The following HDAC4 variants were observed in gnomAD, a reference collection of about 807,000 sequenced individuals.
HDAC4 encodes histone deacetylase A.
In HDAC4, 16 loss-of-function variants were observed where a neutral mutation model predicts 135.1. The observed-to-expected ratio is 0.12, with a 90% CI of 0.08 to 0.18. The LOEUF (loss-of-function observed/expected upper bound fraction) is 0.18. Ranked by LOEUF, HDAC4 falls within the 10% of genes least tolerant of loss-of-function variation. The pLI is 1.00. For synonymous variants in HDAC4, 685 were observed against 653.4 expected, an observed-to-expected ratio of 1.05 and a Z score of -0.74; for missense variants, 1,143 against 1,511.8, an observed-to-expected ratio of 0.76 and a Z score of 4.05.
intron 2 of HDAC4, among the ~76,000 whole-genome samples, chr2:239,328,554 T>C (rs2053534320): frequency 6.6e-6 from 1 of 152,088 alleles, no homozygotes; most frequent in African/African-American, 2.4e-5. Flanking sequence ...AGGAGGCAAA[T>C]ACTCCCAACG....
chr2:239,210,950 C>A (rs1451670599), intron 3 of HDAC4, among the ~76,000 whole-genome samples: 1 of 152,180 alleles, frequency 6.6e-6, no homozygotes, highest in African/African-American at 2.4e-5. Context: ...TGAACCTGAT[C>A]ACAGAAAACA....
chr2:239,270,360 T>C (rs1003397731), intron 2 of HDAC4, among the ~76,000 whole-genome samples: 18 of 152,230 alleles, frequency 1.2e-4, no homozygotes, highest in African/African-American at 3.9e-4. Context: ...TGCCCCCCGA[T>C]GTATTCAACT....
chr2:239,309,741 A>C lies in HDAC4; in HGVS notation c.22+42937T>G, dbSNP rs2052781249. 1.3e-5 allele frequency among the ~76,000 whole-genome samples: 2 copies of C among 152,312 alleles called. No individual in the cohort carries two copies. The highest frequency in any genetic ancestry group is 1.9e-4 in the East Asian group (1 of 5,168). Reference sequence around the variant, plus strand: ...GGGCCTCAAGGGAGGCAATCCCCCCACACACCATCCCCTTCCCCTTCGCTC... The same window carrying C: ...GGGCCTCAAGGGAGGCAATCCCCCCCCACACCATCCCCTTCCCCTTCGCTC... On this transcript the variant is annotated intron_variant, in intron 2 of 26. Transcript: ENST00000543185. The surrounding 1 kb of genome is among the most constrained non-coding windows in gnomAD (Gnocchi z 4.2).
intron 12 of HDAC4, among the ~76,000 whole-genome samples, chr2:239,117,897 G>A (rs572598282): frequency 1.3e-5 from 2 of 152,314 alleles, no homozygotes; most frequent in African/African-American, 2.4e-5. Context: ...AGGTGTGCAA[G>A]GAAGACTGAC....
intron 7 of HDAC4, among the ~76,000 whole-genome samples, chr2:239,153,213 A>C (rs1194630473): frequency 6.6e-6 from 1 of 152,232 alleles, no homozygotes; most frequent in East Asian, 1.9e-4. Context: ...CAAAAAATGC[A>C]TGGGGTGACG....
intron 2 of HDAC4, among the ~76,000 whole-genome samples, chr2:239,295,937 C>G (rs1484206368): frequency 6.6e-6 from 1 of 152,204 alleles, no homozygotes; most frequent in Admixed American, 6.5e-5. Context: ...CAGCTTCTTA[C>G]AGGGTGCTGA....
At chr2:239,267,782 T>G (rs1218507772) in intron 2 of HDAC4, among the ~76,000 whole-genome samples, 1 of 152,200 alleles carries the variant, frequency 6.6e-6, no homozygotes, top group Non-Finnish European at 1.5e-5. Context: ...CTCGCAGGCT[T>G]CTCCCTCCGT....
intron 1 of HDAC4, among the ~76,000 whole-genome samples, chr2:239,361,757 G>T (rs925617038): frequency 2.6e-5 from 4 of 152,174 alleles, no homozygotes; most frequent in Non-Finnish European, 5.9e-5. Context: ...CTTAGGTGGT[G>T]TGTCTTTGAA....
chr2:239,315,595 A>G (rs150834561), intron 2 of HDAC4, among the ~76,000 whole-genome samples: 107 of 152,298 alleles, frequency 7.0e-4, no homozygotes, highest in African/African-American at 2.5e-3. Context: ...AAAGTCCAGA[A>G]ACAGAAGTAC....
At chr2:239,102,946 T>C (rs1420562607) in intron 15 of HDAC4, 50 bp from the exon 16 acceptor site, 1 of 1,612,310 alleles carries the variant, frequency 6.2e-7, no homozygotes, top group Non-Finnish European at 8.5e-7. Flanking sequence ...AAGCTGCTGC[T>C]TCAGCTCCAC....
In HDAC4 at chr2:239,111,572, G is replaced by C; in HGVS notation, c.1932C>G (p.Phe644Leu). 1 of 1,612,442 alleles carries C rather than the reference G, an allele frequency of 6.2e-7. No individual in the cohort carries two copies. Residue 644 changes from phenylalanine (F) to leucine (L), a missense_variant, in exon 14 of 27, where the codon TTC becomes TTG. Phe to Leu is a conservative substitution (Grantham distance 22). Transcript: ENST00000543185. ...TGGGGGGCTCCTGCACAGACACGGG[G>C]AAGGTGGCAGACGCGGGTGAGGACT... Reference protein sequence around the residue: ...RAQSSPASATFPVSVQEPPTK... With the variant: ...RAQSSPASATLPVSVQEPPTK...
chr2:239,186,683 G>A (rs533202603), intron 4 of HDAC4: 2 of 152,416 alleles, frequency 1.3e-5, no homozygotes, highest in South Asian at 2.1e-4. Flanking sequence ...CTGTAGGAGC[G>A]ACGTGAGGAC....
intron 2 of HDAC4, among the ~76,000 whole-genome samples, chr2:239,248,890 A>T (rs1230866424): frequency 6.6e-6 from 1 of 152,206 alleles, no homozygotes; most frequent in African/African-American, 2.4e-5. Context: ...CATTCATTCA[A>T]GTTTTCCTGA....
At chr2:239,184,813 T>C in intron 4 of HDAC4, among the ~76,000 whole-genome samples, 1 of 46,154 alleles carries the variant, frequency 2.2e-5, no homozygotes. Flanking sequence ...TCCCTCAGTG[T>C]CTGTCCTGGA....
upstream of HDAC4, chr2:239,401,252 G>C (rs1696976774): frequency 6.9e-6 from 1 of 145,346 alleles, no homozygotes; most frequent in Non-Finnish European, 1.5e-5. Flanking sequence ...CGCACAGCCC[G>C]TCTGCTCCCA....
At position 239,349,234 on chromosome 2, in the gene HDAC4, A is replaced by C. The variant is rs1692945037; in HGVS notation, c.22+3444T>G. On this transcript the variant is annotated intron_variant, in intron 2 of 26. Coordinates refer to ENST00000543185, the MANE Select transcript of HDAC4 (RefSeq NM_001378414.1). The surrounding 1 kb of genome is among the most constrained non-coding windows in gnomAD (Gnocchi z 5.7). ...GGGCCAGCTAGCAGAGGACGGCACGAGAGACACACGGAGGGAGGGGAGGTG... is the reference window on the plus strand; with the variant it reads ...GGGCCAGCTAGCAGAGGACGGCACGCGAGACACACGGAGGGAGGGGAGGTG... 1.3e-5 allele frequency among the ~76,000 whole-genome samples: 2 copies of C among 152,132 alleles called. No individual in the cohort carries two copies. The highest frequency in any genetic ancestry group is 4.8e-5 in the African/African-American group (2 of 41,446).
At chr2:239,368,560 G>A (rs2125995289) in intron 1 of HDAC4, among the ~76,000 whole-genome samples, 1 of 152,222 alleles carries the variant, frequency 6.6e-6, no homozygotes, top group African/African-American at 2.4e-5. Context: ...CTCCATTGGG[G>A]GATAACAGGG....
intron 24 of HDAC4, among the ~76,000 whole-genome samples, chr2:239,059,419 G>C (rs143282986): frequency 9.6e-4 from 146 of 152,296 alleles, no homozygotes; most frequent in African/African-American, 3.3e-3. Flanking sequence ...GACTGACGGA[G>C]GAAACCCAAG....
chr2:239,303,584 TTTTC>T lies in HDAC4; in HGVS notation c.22+49090_22+49093del, dbSNP rs925545816. The stretch of plus-strand genomic sequence containing the variant: ...AATGTTACGTTGTCAGCTTTCTCTG[TTTTC>T]TTTCTTTCTTTTTTTTTTTTAATTC... On this transcript the variant is annotated intron_variant, in intron 2 of 26. Coordinates refer to ENST00000543185, the MANE Select transcript of HDAC4 (RefSeq NM_001378414.1). The surrounding 1 kb of genome is among the most constrained non-coding windows in gnomAD (Gnocchi z 5.1). 6.0e-4 allele frequency among the ~76,000 whole-genome samples: 92 copies of T among 152,072 alleles called. No individual in the cohort carries two copies. The highest frequency in any genetic ancestry group is 2.1e-3 in the African/African-American group (86 of 41,534).
Sources: allele counts gnomAD v4.1 joint callset (sites outside exome capture counted in the v4.1 genomes callset), GRCh38; gene constraint gnomAD v4.1.1; non-coding constraint Gnocchi (gnomAD v3.1); transcripts MANE v1.5; gene names NCBI Gene and HGNC (gene_info 2026-07-23, HGNC 2026-07-21).